Variants in STARD13 observed in about 807,000 individuals in gnomAD.
STARD13 encodes StAR related lipid transfer domain containing 13.
Under a neutral mutation model 106.4 loss-of-function variants are expected in STARD13, and 62 were observed. That is an observed-to-expected ratio of 0.58 (90% CI 0.48 to 0.72). The LOEUF (loss-of-function observed/expected upper bound fraction) is 0.72, where lower values mean the gene tolerates loss of function less well. Among genes scored for constraint, STARD13 ranks in the 30% least tolerant of loss-of-function variants. The pLI, the probability that STARD13 is intolerant of heterozygous loss-of-function variation, is 0.00. For missense variants in STARD13, 1,387 were observed against 1,424.0 expected, an observed-to-expected ratio of 0.97 and a Z score of 0.42; for synonymous variants, 565 against 553.0, an observed-to-expected ratio of 1.02 and a Z score of -0.31.
chr13:33,637,763 C>T, the STARD13 span, among the ~76,000 whole-genome samples: 5 of 152,226 alleles, frequency 3.3e-5, no homozygotes, highest in South Asian at 1.0e-3. Context: ...ACATTTTATC[C>T]TATGGAAAGA....
the STARD13 span, among the ~76,000 whole-genome samples, chr13:33,387,918 A>G: frequency 6.6e-6 from 1 of 152,198 alleles, no homozygotes; most frequent in African/African-American, 2.4e-5. Flanking sequence ...CTTAGACCAC[A>G]GGGTCATTCT....
chr13:33,432,634 T>C, the STARD13 span, among the ~76,000 whole-genome samples: 1 of 152,258 alleles, frequency 6.6e-6, no homozygotes, highest in Non-Finnish European at 1.5e-5. Context: ...TTTATTTATA[T>C]GAAAATCACA....
intron 1 of STARD13, among the ~76,000 whole-genome samples, chr13:33,222,012 G>A (rs1307998380): frequency 1.3e-5 from 2 of 152,116 alleles, no homozygotes; most frequent in East Asian, 3.9e-4. Flanking sequence ...AGCTGGGTGT[G>A]GTGGTGCACA....
Position 33,285,627 on chromosome 13 carries a change from C to G in STARD13, c.12G>C (p.Gln4His). MFS[Q>H]VPRTPASGCY... ...AGCCTGAGGCTGGGGTCCTGGGCAC[C>G]TGACTGAACATCTCGGCAGATTTCC... The change falls in exon 1 of 14, where the codon CAG becomes CAC. Residue 4 changes from glutamine to histidine, a missense_variant. Physicochemically the swap from Gln to His is conservative, Grantham distance 24. Coordinates refer to ENST00000336934, the MANE Select transcript of STARD13 (RefSeq NM_178006.4). 1 of 1,613,038 alleles carries G rather than the reference C, an allele frequency of 6.2e-7. No homozygotes were observed. The highest frequency in any genetic ancestry group is 8.5e-7 in the Non-Finnish European group (1 of 1,179,838).
the STARD13 span, among the ~76,000 whole-genome samples, chr13:33,565,634 A>G: frequency 6.8e-6 from 1 of 148,124 alleles, no homozygotes; most frequent in Non-Finnish European, 1.5e-5. Flanking sequence ...CTAATCCATA[A>G]GTTGAGAGAA....
the STARD13 span, among the ~76,000 whole-genome samples, chr13:33,429,855 G>T: frequency 6.6e-6 from 1 of 151,548 alleles, no homozygotes; most frequent in African/African-American, 2.4e-5. Flanking sequence ...CTATTTGATA[G>T]TGCCACAGGG....
At chr13:33,363,093 T>C in the STARD13 span, among the ~76,000 whole-genome samples, 1 of 152,256 alleles carries the variant, frequency 6.6e-6, no homozygotes, top group African/African-American at 2.4e-5. Flanking sequence ...GCCAAGTCAC[T>C]ATCACTGTGC....
intron 1 of STARD13, among the ~76,000 whole-genome samples, chr13:33,293,185 A>T (rs1410118004): frequency 6.6e-6 from 1 of 152,086 alleles, no homozygotes; most frequent in South Asian, 2.1e-4. Flanking sequence ...CCAATTTATA[A>T]TTACATATGT....
the STARD13 span, among the ~76,000 whole-genome samples, chr13:33,621,695 A>C: frequency 6.6e-6 from 1 of 151,848 alleles, no homozygotes; most frequent in African/African-American, 2.4e-5. Flanking sequence ...AAAAAAAAAA[A>C]AAAAAATTCA....
chr13:33,515,639 C>T, the STARD13 span, among the ~76,000 whole-genome samples: 1 of 152,154 alleles, frequency 6.6e-6, no homozygotes, highest in African/African-American at 2.4e-5. Context: ...GATGGTTCTA[C>T]TGGGAAATCT....
the STARD13 span, among the ~76,000 whole-genome samples, chr13:33,457,508 C>T: frequency 7.4e-4 from 112 of 152,284 alleles, no homozygotes; most frequent in African/African-American, 2.5e-3. Context: ...AACAGATAGA[C>T]GATATTAGGA....
At chr13:33,209,344 T>C (rs897711011) in intron 1 of STARD13, among the ~76,000 whole-genome samples, 3 of 152,094 alleles carry the variant, frequency 2.0e-5, no homozygotes, top group Non-Finnish European at 2.9e-5. Context: ...CCAATCAGCA[T>C]TGGAAAGGAA....
At chr13:33,295,477 A>C (rs1892453184) in intron 1 of STARD13, among the ~76,000 whole-genome samples, 1 of 152,196 alleles carries the variant, frequency 6.6e-6, no homozygotes, top group Admixed American at 6.5e-5. Context: ...GTTTGTCATC[A>C]ACAGAGACAA....
the STARD13 span, among the ~76,000 whole-genome samples, chr13:33,575,051 G>A: frequency 6.6e-6 from 1 of 151,452 alleles, no homozygotes; most frequent in Admixed American, 6.6e-5. Context: ...TGAGGAGCTG[G>A]GATTACAGGC....
the STARD13 span, among the ~76,000 whole-genome samples, chr13:33,462,279 C>T: frequency 4.3e-4 from 65 of 152,334 alleles, no homozygotes; most frequent in African/African-American, 1.4e-3. Context: ...CGACCAAAAA[C>T]AAACAGCTCA....
chr13:33,148,451 T>C lies in STARD13; in HGVS notation c.324-6078A>G, dbSNP rs1880839314. Among the ~76,000 whole-genome samples, 4 of 152,168 alleles carry C rather than the reference T, an allele frequency of 2.6e-5. No individual in the cohort carries two copies. In the South Asian group the frequency reaches 8.3e-4, roughly 31 times the overall value. ...CAGACAACTCACTAAAGGAGATGAA[T>C]ATATGGTAAACAAGCCTTTAAAAAG... On this transcript the variant is annotated intron_variant, in intron 3 of 13. Coordinates refer to ENST00000336934, the MANE Select transcript of STARD13 (RefSeq NM_178006.4).
chr13:33,231,864 G>A (rs980452785), intron 1 of STARD13, among the ~76,000 whole-genome samples: 1 of 152,176 alleles, frequency 6.6e-6, no homozygotes, highest in African/African-American at 2.4e-5. Context: ...GGTATCCACA[G>A]GGGATTGGTT....
chr13:33,599,156 AAGTTTAT>A, the STARD13 span, among the ~76,000 whole-genome samples: 1 of 152,192 alleles, frequency 6.6e-6, no homozygotes, highest in Non-Finnish European at 1.5e-5. Flanking sequence ...AACCCAAACC[AAGTTTAT>A]TTATCCCCTC....
intron 1 of STARD13, among the ~76,000 whole-genome samples, chr13:33,221,509 C>T (rs1169706764): frequency 6.6e-6 from 1 of 152,132 alleles, no homozygotes; most frequent in East Asian, 1.9e-4. Flanking sequence ...GACATGCATC[C>T]CCCTCTTCCC....
Sources: gnomAD v4.1 joint callset for allele counts (sites outside exome capture counted in the v4.1 genomes callset) on GRCh38, gnomAD v4.1.1 for gene constraint, MANE v1.5 for transcripts, NCBI Gene and HGNC (gene_info 2026-07-23, HGNC 2026-07-21) for gene names.